Variants in CELF4 observed in about 807,000 individuals in gnomAD.
The protein encoded by CELF4 is CUG-BP- and ETR-3-like factor 4.
Under a neutral mutation model 59.9 loss-of-function variants are expected in CELF4, and 18 were observed. The observed-to-expected ratio is 0.30, with a 90% CI of 0.21 to 0.45. The LOEUF (loss-of-function observed/expected upper bound fraction) is 0.45. Ranked by LOEUF, CELF4 falls within the 20% of genes least tolerant of loss-of-function variation. The pLI, the probability that CELF4 is intolerant of heterozygous loss-of-function variation, is 1.00. For synonymous variants in CELF4, 261 were observed against 267.1 expected, an observed-to-expected ratio of 0.98 and a Z score of 0.22; for missense variants, 456 against 689.0, an observed-to-expected ratio of 0.66 and a Z score of 3.79.
In CELF4 at chr18:37,267,905, T is replaced by C. The variant is rs559086029; in HGVS notation, c.1100-1307A>G. Among the ~76,000 whole-genome samples, 179 of 152,156 alleles carry C rather than the reference T, an allele frequency of 1.2e-3. 2 individuals carry two copies. Among genetic ancestry groups the C allele is most frequent in the African/African-American group, 4.2e-3 (174 of 41,522 alleles). ...ACAAAAAAATTAGTGGGCATGGTGG[T>C]GGGCACCTGTAATCCCAGCTACTCA... On this transcript the variant is annotated intron_variant, in intron 8 of 12. Transcript: ENST00000420428.
intron 9 of CELF4, 143 bp from the exon 10 acceptor site, chr18:37,264,900 T>C: frequency 1.5e-6 from 1 of 659,016 alleles, no homozygotes; most frequent in South Asian, 1.8e-5. Flanking sequence ...CAAAGCCAGC[T>C]TTCAGTTCCC....
chr18:37,452,404 A>T (rs994806225), intron 2 of CELF4, among the ~76,000 whole-genome samples: 7 of 151,368 alleles, frequency 4.6e-5, no homozygotes, highest in Admixed American at 3.3e-4. Flanking sequence ...AGCTCAAGGA[A>T]CCCCAAGGTG....
chr18:37,509,652 A>G (rs894209696), intron 1 of CELF4, among the ~76,000 whole-genome samples: 1 of 152,176 alleles, frequency 6.6e-6, no homozygotes, highest in Non-Finnish European at 1.5e-5. Context: ...TAGCAATTCT[A>G]CTCCTAGGTA....
At chr18:37,318,636 C>G (rs1015920766) in intron 3 of CELF4, among the ~76,000 whole-genome samples, 2 of 145,548 alleles carry the variant, frequency 1.4e-5, no homozygotes, top group East Asian at 2.0e-4. Context: ...CACCTCCCCC[C>G]CCCCCCACTT....
chr18:37,353,233 A>AAAAAAAATATATATATAT lies in CELF4; in HGVS notation c.370-31353_370-31352insATATATATATATTTTTTT, dbSNP rs71168258. 1.6e-4 allele frequency among the ~76,000 whole-genome samples: 17 copies of AAAAAAAATATATATATAT among 106,972 alleles called. No homozygotes were observed. The South Asian group carries it at 4.2e-3, about 26-fold the overall frequency. 70.2% of individuals were successfully genotyped at this position (106,972 alleles called of 152,430 possible). ...GAGACTCCGTCTCAAAAAAAAAAAA[A>AAAAAAAATATATATATAT]ATATATATATATATATACATAAAAG... is the stretch of plus-strand genomic sequence containing the variant. On this transcript the variant is annotated intron_variant, in intron 2 of 12. Transcript: ENST00000420428.
At chr18:37,307,042 G>T (rs2096448100) in intron 3 of CELF4, among the ~76,000 whole-genome samples, 1 of 140,270 alleles carries the variant, frequency 7.1e-6, no homozygotes, top group South Asian at 2.6e-4. Flanking sequence ...CTTGTCAGAA[G>T]GCTTGGGTGA....
Position 37,430,063 on chromosome 18 carries a change from C to T in CELF4, c.369+55462G>A, listed in dbSNP as rs187579401. On this transcript the variant is annotated intron_variant, in intron 2 of 12. Transcript: ENST00000420428. ...GCATCTTTCCCTAGGAACAGTGCGG[C>T]TCTCACTGCCCACTTCTCTCTTGGC... Among the ~76,000 whole-genome samples, 15 of 152,336 alleles carry T rather than the reference C, an allele frequency of 9.8e-5. No individual in the cohort carries two copies. In the East Asian group the frequency reaches 2.7e-3, roughly 28 times the overall value.
At chr18:37,414,234 CTATCTATCT>C (rs2099504901) in intron 2 of CELF4, among the ~76,000 whole-genome samples, 4 of 137,500 alleles carry the variant, frequency 2.9e-5, no homozygotes, top group African/African-American at 1.0e-4. Context: ...ATCTATCTAT[CTATCTATCT>C]ATCCATCCAT....
chr18:37,364,647 A>C (rs1375194099), intron 2 of CELF4, among the ~76,000 whole-genome samples: 2 of 152,216 alleles, frequency 1.3e-5, no homozygotes, highest in Non-Finnish European at 2.9e-5. Flanking sequence ...TGCTCAGTCC[A>C]TGGAGAGGAT....
chr18:37,440,387 A>G (rs2099708774), intron 2 of CELF4, among the ~76,000 whole-genome samples: 1 of 152,168 alleles, frequency 6.6e-6, no homozygotes, highest in African/African-American at 2.4e-5. Context: ...CTTGCTGGCC[A>G]TGGCTGGGTG....
At chr18:37,385,036 A>AT (rs1035781808) in intron 2 of CELF4, among the ~76,000 whole-genome samples, 1 of 152,110 alleles carries the variant, frequency 6.6e-6, no homozygotes, top group South Asian at 2.1e-4. Context: ...TGTGTGTCTG[A>AT]TTTTTTTGTT....
intron 2 of CELF4, among the ~76,000 whole-genome samples, chr18:37,435,963 G>C (rs1156798315): frequency 1.3e-5 from 2 of 152,128 alleles, no homozygotes; most frequent in Non-Finnish European, 2.9e-5. Flanking sequence ...TGGAGCAGGT[G>C]GTGGGCACTC....
chr18:37,260,571 T>C (rs545297664), intron 10 of CELF4, among the ~76,000 whole-genome samples: 103 of 152,330 alleles, frequency 6.8e-4, no homozygotes, highest in Non-Finnish European at 1.1e-3. Flanking sequence ...GGCCGCTGCA[T>C]GGCTTTCACG....
chr18:37,279,860 C>T (rs138323544), intron 3 of CELF4, among the ~76,000 whole-genome samples: 107 of 152,338 alleles, frequency 7.0e-4, no homozygotes, highest in African/African-American at 2.5e-3. Flanking sequence ...CCAGGATGCA[C>T]AGGAGGTTGC....
chr18:37,535,783 T>C (rs2099973025), intron 1 of CELF4, among the ~76,000 whole-genome samples: 1 of 152,180 alleles, frequency 6.6e-6, no homozygotes, highest in Non-Finnish European at 1.5e-5. Context: ...GCCATCACAG[T>C]GTGGAGATCC....
intron 9 of CELF4, among the ~76,000 whole-genome samples, chr18:37,265,054 G>A (rs552919513): frequency 1.5e-4 from 22 of 151,430 alleles, no homozygotes; most frequent in Non-Finnish European, 3.1e-4. Context: ...CATTACATGT[G>A]TACATGCAAG....
intron 3 of CELF4, among the ~76,000 whole-genome samples, chr18:37,300,734 A>G (rs2095972246): frequency 6.6e-6 from 1 of 152,256 alleles, no homozygotes; most frequent in East Asian, 1.9e-4. Context: ...TATGCCATGA[A>G]TAAAATAAAA....
chr18:37,345,981 G>A (rs1004500910), intron 2 of CELF4, among the ~76,000 whole-genome samples: 1 of 152,164 alleles, frequency 6.6e-6, no homozygotes, highest in Non-Finnish European at 1.5e-5. Context: ...TGGCAGCTGG[G>A]CAGGTTACAT....
chr18:37,271,627 TG>T (rs1429142989), intron 7 of CELF4, among the ~76,000 whole-genome samples: 2 of 152,160 alleles, frequency 1.3e-5, no homozygotes, highest in Non-Finnish European at 2.9e-5. Flanking sequence ...ACTTGGTCAT[TG>T]GGGGGCTGAT....
Sources: allele counts gnomAD v4.1 joint callset (sites outside exome capture counted in the v4.1 genomes callset), GRCh38; gene constraint gnomAD v4.1.1; transcripts MANE v1.5; gene names NCBI Gene and HGNC (gene_info 2026-07-23, HGNC 2026-07-21).